SMAP1: variants seen among roughly 807,000 people sequenced by gnomAD.
SMAP1 encodes the protein small ArfGAP 1, also known as stromal membrane-associated protein 1.
A neutral mutation model predicts 58.5 loss-of-function variants in SMAP1; 24 were observed. The ratio of observed to expected loss-of-function variants is 0.41; its 90% CI spans 0.30 to 0.58. SMAP1 has a LOEUF of 0.58. Ranked by LOEUF, SMAP1 falls within the 20% of genes least tolerant of loss-of-function variation. The pLI, the probability that SMAP1 is intolerant of heterozygous loss-of-function variation, is 0.29. For synonymous variants in SMAP1, 216 were observed against 196.6 expected (o/e 1.10, Z -0.82); for missense variants, 563 against 566.3 (o/e 0.99, Z 0.06).
intron 7 of SMAP1, among the ~76,000 whole-genome samples, chr6:70,841,932 A>G (rs1356274086): frequency 6.6e-6 from 1 of 152,200 alleles, no homozygotes; most frequent in Non-Finnish European, 1.5e-5. Context: ...ATTTCTAGCC[A>G]TTTCTCAAAG....
chr6:70,809,063 G>A (rs1769275017), intron 6 of SMAP1, among the ~76,000 whole-genome samples: 1 of 152,024 alleles, frequency 6.6e-6, no homozygotes, highest in Non-Finnish European at 1.5e-5. Flanking sequence ...GTAAAATAAT[G>A]TCTCTTGTGC....
At chr6:70,834,196 T>C (rs907071214) in intron 6 of SMAP1, among the ~76,000 whole-genome samples, 6 of 152,198 alleles carry the variant, frequency 3.9e-5, no homozygotes, top group Non-Finnish European at 4.4e-5. Context: ...GTAGTTCTAA[T>C]TTGGTGACAA....
chr6:70,776,811 A>G (rs1359803689), intron 4 of SMAP1, among the ~76,000 whole-genome samples: 1 of 152,186 alleles, frequency 6.6e-6, no homozygotes, highest in Non-Finnish European at 1.5e-5. Context: ...GTTGCTGTGA[A>G]TGGTAGGATT....
intron 2 of SMAP1, among the ~76,000 whole-genome samples, chr6:70,744,849 T>C (rs1199149749): frequency 1.3e-5 from 2 of 152,220 alleles, no homozygotes; most frequent in African/African-American, 4.8e-5. Flanking sequence ...TTCCTGACTT[T>C]TTAATGATTG....
rs549286916 is a variant in SMAP1 at position 70,803,656 on chromosome 6, A to C, written c.576+4919A>C. On this transcript the variant is annotated intron_variant, in intron 6 of 10. Coordinates refer to ENST00000370455, the MANE Select transcript of SMAP1 (RefSeq NM_001044305.3). ...TAGTGCTATAAATTTCCCTCTACAC[A>C]CTGCTTTAAATGTGTCCCAGATATT... Among the ~76,000 whole-genome samples, 241 of 152,280 alleles carry C rather than the reference A, an allele frequency of 1.6e-3. 1 individual carries two copies. The highest frequency in any genetic ancestry group is 5.6e-3 in the African/African-American group (231 of 41,552).
chr6:70,691,530 C>G (rs1222065152), intron 1 of SMAP1, among the ~76,000 whole-genome samples: 1 of 152,074 alleles, frequency 6.6e-6, no homozygotes, highest in African/African-American at 2.4e-5. Context: ...GTTGTGTTAT[C>G]AAATACTAGA....
At chr6:70,738,319 G>C (rs1191069202) in intron 2 of SMAP1, among the ~76,000 whole-genome samples, 1 of 152,022 alleles carries the variant, frequency 6.6e-6, no homozygotes, top group Non-Finnish European at 1.5e-5. Flanking sequence ...CAACCTCAGA[G>C]GATAAAAAAT....
intron 6 of SMAP1, among the ~76,000 whole-genome samples, 163 bp from the exon 7 acceptor site, chr6:70,836,778 G>C (rs1199818453): frequency 1.3e-5 from 2 of 152,280 alleles, no homozygotes; most frequent in East Asian, 3.9e-4. Context: ...CAACAGTCAT[G>C]TTCGCTTGTT....
At chr6:70,831,546 G>T (rs1054663558) in intron 6 of SMAP1, among the ~76,000 whole-genome samples, 1 of 152,126 alleles carries the variant, frequency 6.6e-6, no homozygotes, top group Non-Finnish European at 1.5e-5. Context: ...GCATTAGTTT[G>T]CTTAGGATAA....
chr6:70,848,529 ACT>A (rs1013588512), intron 7 of SMAP1, among the ~76,000 whole-genome samples: 39 of 152,244 alleles, frequency 2.6e-4, no homozygotes, highest in African/African-American at 8.4e-4. Context: ...ATGTGAGAAG[ACT>A]CTGTTCTGGT....
chr6:70,811,444 A>G (rs568928071), intron 6 of SMAP1, among the ~76,000 whole-genome samples: 3 of 152,210 alleles, frequency 2.0e-5, no homozygotes, highest in Admixed American at 1.3e-4. Context: ...CTGGGTCTCG[A>G]TAGAAGAATG....
At chr6:70,859,099 G>T in intron 10 of SMAP1, 1 of 345,338 alleles carries the variant, frequency 2.9e-6, no homozygotes, top group East Asian at 4.9e-5. Flanking sequence ...GAGCATTCAG[G>T]GAATAGTCTA....
intron 3 of SMAP1, chr6:70,772,787 T>C (rs1371353911): frequency 6.6e-6 from 1 of 152,258 alleles, no homozygotes; most frequent in Non-Finnish European, 1.5e-5. Flanking sequence ...TGTGGAATCC[T>C]ATATGATGTG....
intron 10 of SMAP1, 76 bp from the exon 11 acceptor site, chr6:70,860,124 C>T: frequency 6.8e-7 from 1 of 1,469,514 alleles, no homozygotes; most frequent in Non-Finnish European, 9.1e-7. Context: ...GAAAAAATGA[C>T]CAACTGTGTG....
chr6:70,668,125 C>T lies in SMAP1; in HGVS notation c.102C>T (p.Ala34=). The change falls in exon 1 of 11, where the codon GCC becomes GCT. Residue 34 remains alanine (A), a synonymous_variant. Transcript: ENST00000370455. ...LLREEDNKYC[A]DCEAKGPRWA... ...GGGAGGAGGACAACAAGTACTGCGC[C>T]GACTGCGAGGCCAAAGGTAGCTTGG... 1.3e-6 allele frequency: 2 copies of T among 1,599,980 alleles called. No homozygotes were observed. Among genetic ancestry groups the T allele is most frequent in the East Asian group, 2.3e-5 (1 of 43,080 alleles).
intron 3 of SMAP1, among the ~76,000 whole-genome samples, chr6:70,765,601 G>C (rs12209431): frequency 0.43 from 66,103 of 151,996 alleles, 14,743 homozygotes; most frequent in South Asian, 0.5. Context: ...CCATAATGAA[G>C]TTGAAAAACA....
At chr6:70,742,857 A>G (rs1765873768) in intron 2 of SMAP1, among the ~76,000 whole-genome samples, 1 of 152,212 alleles carries the variant, frequency 6.6e-6, no homozygotes, top group South Asian at 2.1e-4. Flanking sequence ...GACAATAGAG[A>G]ATGAGAGCCA....
At chr6:70,796,525 G>A (rs1206848737) in intron 5 of SMAP1, among the ~76,000 whole-genome samples, 1 of 152,230 alleles carries the variant, frequency 6.6e-6, no homozygotes, top group Non-Finnish European at 1.5e-5. Context: ...CACTTAATAA[G>A]TGGTAGTTGT....
chr6:70,741,302 C>G (rs1309204592), intron 2 of SMAP1, among the ~76,000 whole-genome samples: 1 of 152,202 alleles, frequency 6.6e-6, no homozygotes, highest in Non-Finnish European at 1.5e-5. Flanking sequence ...TTCCTAGATA[C>G]AGTGGGAATA....
Sources: gnomAD v4.1 joint callset for allele counts (sites outside exome capture counted in the v4.1 genomes callset) on GRCh38, gnomAD v4.1.1 for gene constraint, MANE v1.5 for transcripts, NCBI Gene and HGNC (gene_info 2026-07-23, HGNC 2026-07-21) for gene names.